The following PTPRD variants were observed in gnomAD, a reference collection of about 807,000 sequenced individuals.
PTPRD encodes the protein receptor-type tyrosine-protein phosphatase delta.
A neutral mutation model predicts 214.5 loss-of-function variants in PTPRD; 34 were observed. That is an observed-to-expected ratio of 0.16 (90% CI 0.12 to 0.21). PTPRD has a LOEUF of 0.21. PTPRD is among the 10% of genes least tolerant of loss of function. PTPRD has a pLI of 1.00. For missense variants in PTPRD, 2,545 were observed against 2,398.7 expected, an observed-to-expected ratio of 1.06 and a Z score of -1.27; for synonymous variants, 1,128 against 845.7, an observed-to-expected ratio of 1.33 and a Z score of -5.79.
chr9:8,384,336 G>C (rs2086215114), intron 37 of PTPRD, among the ~76,000 whole-genome samples: 1 of 152,070 alleles, frequency 6.6e-6, no homozygotes, highest in South Asian at 2.1e-4. Context: ...TAGGGAACTA[G>C]AATGACTTGC....
chr9:9,437,497 T>C (rs1253661140), intron 8 of PTPRD, among the ~76,000 whole-genome samples: 3 of 152,160 alleles, frequency 2.0e-5, no homozygotes, highest in Non-Finnish European at 1.5e-5. Context: ...TTTTAATATA[T>C]TTTAAAATTT....
chr9:8,969,643 C>T (rs1381461243), intron 11 of PTPRD, among the ~76,000 whole-genome samples: 5 of 151,402 alleles, frequency 3.3e-5, no homozygotes, highest in African/African-American at 1.2e-4. Context: ...AGAATATTGG[C>T]TATTAGGGGA....
At chr9:8,428,623 G>A (rs1165322198) in intron 35 of PTPRD, among the ~76,000 whole-genome samples, 1 of 151,982 alleles carries the variant, frequency 6.6e-6, no homozygotes, top group Non-Finnish European at 1.5e-5. Context: ...GAAAGTGGGG[G>A]AACCACCTTC....
At chr9:10,114,316 T>C (rs1447275273) in intron 3 of PTPRD, among the ~76,000 whole-genome samples, 2 of 152,116 alleles carry the variant, frequency 1.3e-5, no homozygotes, top group East Asian at 3.9e-4. Context: ...AGGATATGGA[T>C]CAAGCAAAGA....
intron 3 of PTPRD, among the ~76,000 whole-genome samples, chr9:10,228,465 A>G (rs749082451): frequency 6.6e-6 from 1 of 151,960 alleles, no homozygotes; most frequent in Non-Finnish European, 1.5e-5. Context: ...ATTGCTTGTC[A>G]TAGAACTCTA....
At chr9:8,618,860 C>G (rs1354214610) in intron 14 of PTPRD, among the ~76,000 whole-genome samples, 1 of 136,414 alleles carries the variant, frequency 7.3e-6, no homozygotes, top group Non-Finnish European at 1.6e-5. Flanking sequence ...CCACACCCAG[C>G]TAATTTTGTG....
At chr9:8,888,366 G>T (rs908896922) in intron 11 of PTPRD, among the ~76,000 whole-genome samples, 1 of 152,102 alleles carries the variant, frequency 6.6e-6, no homozygotes, top group Non-Finnish European at 1.5e-5. Context: ...ATACTTGAAA[G>T]CATACCAGAT....
At chr9:8,883,377 C>T (rs1412392877) in intron 11 of PTPRD, among the ~76,000 whole-genome samples, 2 of 152,162 alleles carry the variant, frequency 1.3e-5, no homozygotes, top group Admixed American at 1.3e-4. Context: ...CTTCTCAGCA[C>T]AAATGCCTAG....
At chr9:10,144,687 C>G (rs2099010284) in intron 3 of PTPRD, among the ~76,000 whole-genome samples, 1 of 152,056 alleles carries the variant, frequency 6.6e-6, no homozygotes, top group South Asian at 2.1e-4. Context: ...TTTGTAAAGA[C>G]ATGGGACTAG....
chr9:9,796,902 C>T (rs954831447), intron 5 of PTPRD, among the ~76,000 whole-genome samples: 4 of 152,082 alleles, frequency 2.6e-5, no homozygotes, highest in Admixed American at 6.5e-5. Context: ...TACACCATTA[C>T]GTCATTGCCA....
intron 3 of PTPRD, among the ~76,000 whole-genome samples, chr9:10,080,367 T>G (rs555624938): frequency 6.6e-6 from 1 of 152,240 alleles, no homozygotes; most frequent in African/African-American, 2.4e-5. Flanking sequence ...ATGTTAACAC[T>G]GTATGCAGAG....
At chr9:9,115,483 C>G (rs568324358) in intron 10 of PTPRD, among the ~76,000 whole-genome samples, 2 of 152,042 alleles carry the variant, frequency 1.3e-5, no homozygotes, top group Non-Finnish European at 2.9e-5. Flanking sequence ...AAACAATAGA[C>G]GCTTGCATGA....
At chr9:10,509,470 C>CATCTATCTATATATCTATCT (rs2047209522) in intron 2 of PTPRD, among the ~76,000 whole-genome samples, 1 of 138,120 alleles carries the variant, frequency 7.2e-6, no homozygotes, top group African/African-American at 2.8e-5. Context: ...TTGATTGATC[C>CATCTATCTATATATCTATCT]ATCTATCTAT....
intron 14 of PTPRD, among the ~76,000 whole-genome samples, chr9:8,563,789 G>C (rs1472479530): frequency 6.6e-6 from 1 of 152,136 alleles, no homozygotes; most frequent in Non-Finnish European, 1.5e-5. Flanking sequence ...AGCCTCCAGA[G>C]TAGCTGGGAC....
intron 10 of PTPRD, among the ~76,000 whole-genome samples, chr9:9,182,429 A>C (rs1286019164): frequency 6.6e-6 from 1 of 152,084 alleles, no homozygotes; most frequent in Non-Finnish European, 1.5e-5. Context: ...CTTTATTTAG[A>C]AAGTTTGTAT....
intron 12 of PTPRD, among the ~76,000 whole-genome samples, chr9:8,693,067 C>T (rs2097842134): frequency 6.6e-6 from 1 of 152,140 alleles, no homozygotes; most frequent in African/African-American, 2.4e-5. Flanking sequence ...TAAATGGTAA[C>T]TCTATGATTG....
At chr9:8,513,562 T>G (rs544603426) in intron 21 of PTPRD, among the ~76,000 whole-genome samples, 19 of 152,092 alleles carry the variant, frequency 1.2e-4, no homozygotes, top group Non-Finnish European at 2.4e-4. Flanking sequence ...AAAATGTACT[T>G]CAATTCCTAC....
chr9:8,427,853 G>C (rs562185238), intron 35 of PTPRD, among the ~76,000 whole-genome samples: 5 of 151,934 alleles, frequency 3.3e-5, no homozygotes, highest in African/African-American at 1.2e-4. Flanking sequence ...TTATAGGGGT[G>C]ATATCTTTTA....
chr9:9,800,555 G>C (rs532039177), intron 5 of PTPRD: 9 of 152,236 alleles, frequency 5.9e-5, no homozygotes, highest in African/African-American at 2.2e-4. Flanking sequence ...GGTCTGTAAA[G>C]AGAGAACGGA....
Sources: allele counts gnomAD v4.1 joint callset (sites outside exome capture counted in the v4.1 genomes callset), GRCh38; gene constraint gnomAD v4.1.1; transcripts MANE v1.5; gene names NCBI Gene and HGNC (gene_info 2026-07-23, HGNC 2026-07-21).